Variants in BLTP3A observed in about 807,000 individuals in gnomAD.
BLTP3A encodes bridge-like lipid transfer protein family member 3A.
the BLTP3A span, chr6:34,855,569 GCTT>G: frequency 7.5e-6 from 12 of 1,604,216 alleles, no homozygotes; most frequent in African/African-American, 1.3e-5. Context: ...TGGTGGTTTG[GCTT>G]CTTTGTTCCT....
chr6:34,839,077 C>T, the BLTP3A span, among the ~76,000 whole-genome samples: 25 of 152,154 alleles, frequency 1.6e-4, no homozygotes, highest in African/African-American at 5.8e-4. Flanking sequence ...ATGGAGAAAC[C>T]CCGTCTCTAC....
the BLTP3A span, among the ~76,000 whole-genome samples, chr6:34,800,611 G>A: frequency 1.3e-5 from 2 of 152,030 alleles, no homozygotes; most frequent in African/African-American, 4.8e-5. Context: ...TTAAAGTACC[G>A]GTGCTGAATA....
the BLTP3A span, among the ~76,000 whole-genome samples, chr6:34,810,290 A>G: frequency 2.0e-5 from 3 of 152,188 alleles, no homozygotes; most frequent in African/African-American, 7.2e-5. Flanking sequence ...TACACAAGAA[A>G]CACAAGAGAC....
chr6:34,808,233 C>T, the BLTP3A span, among the ~76,000 whole-genome samples: 1 of 148,906 alleles, frequency 6.7e-6, no homozygotes, highest in African/African-American at 2.5e-5. Flanking sequence ...ATCCTAGCTA[C>T]TCTGGAGGAG....
the BLTP3A span, among the ~76,000 whole-genome samples, chr6:34,841,581 A>C: frequency 6.6e-6 from 1 of 152,190 alleles, no homozygotes; most frequent in African/African-American, 2.4e-5. Context: ...CCATCATCAC[A>C]GAAAGTTCTT....
the BLTP3A span, among the ~76,000 whole-genome samples, chr6:34,841,901 C>G: frequency 1.3e-5 from 2 of 152,168 alleles, no homozygotes; most frequent in East Asian, 3.8e-4. Flanking sequence ...TAACTGTTTT[C>G]TCTTAGGGTA....
chr6:34,864,137 T>C, the BLTP3A span: 6 of 1,614,062 alleles, frequency 3.7e-6, no homozygotes, highest in African/African-American at 1.3e-5. Context: ...GCAGTGGCCC[T>C]GAAGACCGGA....
At chr6:34,818,862 A>G in the BLTP3A span, among the ~76,000 whole-genome samples, 1 of 152,246 alleles carries the variant, frequency 6.6e-6, no homozygotes, top group African/African-American at 2.4e-5. Flanking sequence ...TACTTTAGAA[A>G]AAAATTGCAA....
At chr6:34,859,923 G>C in the BLTP3A span, among the ~76,000 whole-genome samples, 2 of 151,886 alleles carry the variant, frequency 1.3e-5, no homozygotes, top group Admixed American at 1.3e-4. Context: ...CACAATTATT[G>C]ATACAAATAT....
chr6:34,854,051 G>A, the BLTP3A span, among the ~76,000 whole-genome samples: 19 of 152,060 alleles, frequency 1.2e-4, no homozygotes, highest in African/African-American at 3.6e-4. Flanking sequence ...GTGAAACCCC[G>A]TCTCTACTAA....
the BLTP3A span, among the ~76,000 whole-genome samples, chr6:34,813,531 GC>G: frequency 1.3e-5 from 2 of 152,100 alleles, no homozygotes; most frequent in African/African-American, 4.8e-5. Flanking sequence ...TTTCATCTTA[GC>G]TTTTACACTC....
At chr6:34,801,003 A>G in the BLTP3A span, among the ~76,000 whole-genome samples, 1 of 152,184 alleles carries the variant, frequency 6.6e-6, no homozygotes. Flanking sequence ...TGTTGGGATT[A>G]CAGGCGTGAG....
chr6:34,853,244 A>G, the BLTP3A span, among the ~76,000 whole-genome samples: 1 of 152,218 alleles, frequency 6.6e-6, no homozygotes, highest in African/African-American at 2.4e-5. Context: ...CAGTTATGTG[A>G]TCACGGCTCA....
chr6:34,867,563 T>C, the BLTP3A span: 5 of 1,613,910 alleles, frequency 3.1e-6, no homozygotes, highest in Non-Finnish European at 4.2e-6. Context: ...GAACTGACCC[T>C]CCAGCAGCTG....
At chr6:34,793,409 G>A in the BLTP3A span, among the ~76,000 whole-genome samples, 5 of 152,146 alleles carry the variant, frequency 3.3e-5, no homozygotes, top group East Asian at 9.6e-4. Flanking sequence ...GGGAGATGTC[G>A]GTCAACATGG....
chr6:34,855,636 C>T, the BLTP3A span: 1 of 1,613,768 alleles, frequency 6.2e-7, no homozygotes, highest in Non-Finnish European at 8.5e-7. Flanking sequence ...CCAACAGACT[C>T]ATGGGTGGTG....
At chr6:34,835,129 TA>T in the BLTP3A span, among the ~76,000 whole-genome samples, 3 of 152,244 alleles carry the variant, frequency 2.0e-5, no homozygotes, top group South Asian at 6.2e-4. Flanking sequence ...TTTTTTTAAT[TA>T]AGGAAACTTT....
At chr6:34,800,222 G>A in the BLTP3A span, among the ~76,000 whole-genome samples, 1 of 152,142 alleles carries the variant, frequency 6.6e-6, no homozygotes, top group Non-Finnish European at 1.5e-5. Flanking sequence ...TTATTAGGGT[G>A]AAAAATTAGA....
chr6:34,821,561 T>C, the BLTP3A span: 1 of 1,246,916 alleles, frequency 8.0e-7, no homozygotes, highest in Non-Finnish European at 1.1e-6. Context: ...CTTTAATTTT[T>C]TCTTTTCTCT....
Sources: gnomAD v4.1 joint callset for allele counts (sites outside exome capture counted in the v4.1 genomes callset) on GRCh38, gnomAD v4.1.1 for gene constraint, MANE v1.5 for transcripts, NCBI Gene and HGNC (gene_info 2026-07-23, HGNC 2026-07-21) for gene names.